CHODL: variants seen among roughly 807,000 people sequenced by gnomAD.
The protein encoded by CHODL is chondrolectin, also known as transmembrane protein MT75.
CHODL carries 29 observed loss-of-function variants against 34.5 expected under a neutral mutation model. The ratio of observed to expected loss-of-function variants is 0.84; its 90% CI spans 0.63 to 1.15. The LOEUF is 1.15. Ranked by LOEUF, CHODL falls within the 50% of genes most tolerant of loss-of-function variation. CHODL has a pLI of 0.00. For synonymous variants in CHODL, 125 were observed against 116.1 expected (o/e 1.08, Z -0.49); for missense variants, 332 against 332.5 (o/e 1.00, Z 0.01).
upstream of CHODL, among the ~76,000 whole-genome samples, chr21:18,244,270 T>C (rs2074109731): frequency 6.6e-6 from 1 of 152,194 alleles, no homozygotes; most frequent in African/African-American, 2.4e-5. Flanking sequence ...GAGAGTGAAA[T>C]CAGTTTCGAA....
intron 2 of CHODL, among the ~76,000 whole-genome samples, chr21:18,157,903 G>A (rs1317786154): frequency 1.3e-5 from 2 of 151,130 alleles, no homozygotes; most frequent in African/African-American, 4.9e-5. Flanking sequence ...TTTTAAAGAC[G>A]ATATTGCCAA....
At chr21:18,010,118 CAAAAAAAAAAAAAAAAAA>C (rs547675850) in intron 1 of CHODL, among the ~76,000 whole-genome samples, 2 of 61,216 alleles carry the variant, frequency 3.3e-5, no homozygotes, top group East Asian at 1.1e-3. Context: ...TACTAAAATA[CAAAAAAAAAAAAAAAAAA>C]AAAAAAAAAA....
chr21:18,252,172 G>T lies in CHODL; in HGVS notation c.80-4337G>T, dbSNP rs2074265119. ...CAGTAAAAGGATGTCTTCAATTGCA[G>T]ATGCTAGTTGACATTTAGTAATTTA... On this transcript the variant is annotated intron_variant, in intron 1 of 5. Coordinates refer to ENST00000299295, the MANE Select transcript of CHODL (RefSeq NM_024944.3). Among the ~76,000 whole-genome samples, 3 of 152,190 alleles carry T rather than the reference G, an allele frequency of 2.0e-5. 1 individual carries two copies. In the South Asian group the frequency reaches 6.2e-4, roughly 32 times the overall value.
chr21:18,213,527 G>A (rs2073793906), intron 2 of CHODL, among the ~76,000 whole-genome samples: 1 of 151,974 alleles, frequency 6.6e-6, no homozygotes. Context: ...TCATTCACTG[G>A]GAATGAAATT....
intron 1 of CHODL, among the ~76,000 whole-genome samples, chr21:17,994,616 G>A (rs1038549833): frequency 1.3e-5 from 2 of 152,160 alleles, no homozygotes; most frequent in African/African-American, 2.4e-5. Flanking sequence ...GGTTGTGTGT[G>A]TATGCACTGG....
chr21:18,121,577 A>C (rs916440732), intron 2 of CHODL, among the ~76,000 whole-genome samples: 1 of 152,148 alleles, frequency 6.6e-6, no homozygotes, highest in African/African-American at 2.4e-5. Flanking sequence ...ATAGTGCATT[A>C]CTTCCCCAAA....
At chr21:18,077,542 A>C (rs1476405161) in intron 2 of CHODL, among the ~76,000 whole-genome samples, 1 of 152,114 alleles carries the variant, frequency 6.6e-6, no homozygotes, top group African/African-American at 2.4e-5. Context: ...CCTTACCTCT[A>C]AGGTGATTGT....
chr21:17,972,788 A>G (rs9680381), intron 1 of CHODL, among the ~76,000 whole-genome samples: 38,762 of 152,110 alleles, frequency 0.25, 6,203 homozygotes, highest in African/African-American at 0.45. Flanking sequence ...ATTAGAAAAA[A>G]CTACTTCAAA....
At chr21:18,218,726 A>G (rs2073854751) in intron 2 of CHODL, among the ~76,000 whole-genome samples, 2 of 152,094 alleles carry the variant, frequency 1.3e-5, no homozygotes, top group Non-Finnish European at 2.9e-5. Flanking sequence ...CACTGCTTAG[A>G]AATTTCTTCC....
chr21:18,031,463 T>TG (rs904005380), intron 2 of CHODL, among the ~76,000 whole-genome samples: 1 of 152,042 alleles, frequency 6.6e-6, no homozygotes, highest in African/African-American at 2.4e-5. Context: ...CTTAAGAAAT[T>TG]GGGGTAATTT....
At chr21:18,200,339 T>C (rs1038740451) in intron 2 of CHODL, among the ~76,000 whole-genome samples, 5 of 152,198 alleles carry the variant, frequency 3.3e-5, no homozygotes, top group Admixed American at 2.6e-4. Context: ...ATCTATTAAA[T>C]TGAGCTTTCA....
intron 2 of CHODL, among the ~76,000 whole-genome samples, chr21:18,074,538 G>A (rs2064842946): frequency 1.3e-5 from 2 of 152,100 alleles, no homozygotes; most frequent in Admixed American, 1.3e-4. Flanking sequence ...TGGATGCATT[G>A]TATTTTCCCC....
intron 5 of CHODL, among the ~76,000 whole-genome samples, chr21:18,264,325 A>T (rs776324082): frequency 2.6e-5 from 4 of 152,122 alleles, no homozygotes; most frequent in Non-Finnish European, 5.9e-5. Flanking sequence ...TGAGGAAACC[A>T]GCCCAAAGAA....
At chr21:18,071,553 A>G (rs568925359) in intron 2 of CHODL, among the ~76,000 whole-genome samples, 1 of 151,892 alleles carries the variant, frequency 6.6e-6, no homozygotes, top group East Asian at 1.9e-4. Context: ...TTTCATTTCT[A>G]CCCTCTACAC....
chr21:18,033,514 G>T (rs2146442898), intron 2 of CHODL, among the ~76,000 whole-genome samples: 1 of 152,090 alleles, frequency 6.6e-6, no homozygotes, highest in African/African-American at 2.4e-5. Context: ...TCAATGTTTG[G>T]ATTTATTTAT....
At chr21:18,012,934 T>C (rs1335758299) in intron 1 of CHODL, among the ~76,000 whole-genome samples, 2 of 152,070 alleles carry the variant, frequency 1.3e-5, no homozygotes, top group East Asian at 3.9e-4. Context: ...AATAAATGCG[T>C]AAAAAAATAG....
intron 1 of CHODL, among the ~76,000 whole-genome samples, chr21:17,941,966 T>G (rs2063368106): frequency 6.6e-6 from 1 of 152,184 alleles, no homozygotes; most frequent in Non-Finnish European, 1.5e-5. Flanking sequence ...TCATGACGCC[T>G]TCACTCTTAT....
At chr21:18,104,281 C>G (rs571821785) in intron 2 of CHODL, among the ~76,000 whole-genome samples, 45 of 152,182 alleles carry the variant, frequency 3.0e-4, no homozygotes, top group Non-Finnish European at 5.7e-4. Flanking sequence ...GGCAGTTTCC[C>G]CCATGTTGCT....
At chr21:18,197,127 G>C (rs1050293383) in intron 2 of CHODL, among the ~76,000 whole-genome samples, 4 of 151,958 alleles carry the variant, frequency 2.6e-5, no homozygotes, top group African/African-American at 9.7e-5. Context: ...AGTTTTATTT[G>C]TCAATTGCAC....
Sources: allele counts gnomAD v4.1 joint callset (sites outside exome capture counted in the v4.1 genomes callset), GRCh38; gene constraint gnomAD v4.1.1; transcripts MANE v1.5; gene names NCBI Gene and HGNC (gene_info 2026-07-23, HGNC 2026-07-21).